INO80: variants seen among roughly 807,000 people sequenced by gnomAD.
The protein encoded by INO80 is chromatin-remodeling ATPase INO80.
A neutral mutation model predicts 203.4 loss-of-function variants in INO80; 20 were observed. The ratio of observed to expected loss-of-function variants is 0.10; its 90% CI spans 0.07 to 0.14. The LOEUF (loss-of-function observed/expected upper bound fraction) is 0.14. Ranked by LOEUF, INO80 falls within the 10% of genes least tolerant of loss-of-function variation. The pLI is 1.00. For synonymous variants in INO80, 726 were observed against 685.2 expected, an observed-to-expected ratio of 1.06 and a Z score of -0.93; for missense variants, 1,419 against 1,914.4, an observed-to-expected ratio of 0.74 and a Z score of 4.83.
chr15:41,000,257 T>C (rs1326826984), intron 28 of INO80, among the ~76,000 whole-genome samples: 2 of 152,164 alleles, frequency 1.3e-5, no homozygotes, highest in Non-Finnish European at 2.9e-5. Flanking sequence ...GCTAGGACTT[T>C]TTTTTGTTAA....
At chr15:40,990,229 C>CAGTAGTA (rs1356702135) in intron 29 of INO80, among the ~76,000 whole-genome samples, 5 of 152,156 alleles carry the variant, frequency 3.3e-5, no homozygotes, top group African/African-American at 1.2e-4. Context: ...CCACAACCTA[C>CAGTAGTA]AGTAGTAACA....
At chr15:41,075,476 G>T (rs1008467792) in intron 9 of INO80, among the ~76,000 whole-genome samples, 4 of 151,620 alleles carry the variant, frequency 2.6e-5, no homozygotes, top group African/African-American at 9.7e-5. Context: ...GAGGCGGGGG[G>T]CAGAGTCTCC....
At position 40,997,051 on chromosome 15, in the gene INO80, T is replaced by C. The variant is rs947743222; in HGVS notation, c.3570+478A>G. On this transcript the variant is annotated intron_variant, in intron 29 of 35. Coordinates refer to ENST00000648947, the MANE Select transcript of INO80 (RefSeq NM_017553.3). ...CAGTACTTTGGGAGGCTGAGGCAGG[T>C]GGATCACTTGGGCCTCAGAGTTCAA... Among the ~76,000 whole-genome samples, 26 of 152,230 alleles carry C rather than the reference T, an allele frequency of 1.7e-4. No individual in the cohort carries two copies. The East Asian group carries it at 2.1e-3, about 12-fold the overall frequency.
In INO80 at chr15:40,991,939, G is replaced by A. The variant is rs566861441; in HGVS notation, c.3571-3965C>T. On this transcript the variant is annotated intron_variant, in intron 29 of 35. Coordinates refer to ENST00000648947, the MANE Select transcript of INO80 (RefSeq NM_017553.3). ...ACTACAGGCGTCCGCCACCATGCCC[G>A]GCTCATTTTTTGCATTTTTAGAGAG... Among the ~76,000 whole-genome samples the A allele has an allele frequency of 1.6e-3, 249 of 152,132 alleles. 1 individual carries two copies. The highest frequency in any genetic ancestry group is 5.8e-3 in the African/African-American group (239 of 41,486).
chr15:40,981,143 G>GC (rs1427726817), intron 35 of INO80, among the ~76,000 whole-genome samples: 1 of 152,186 alleles, frequency 6.6e-6, no homozygotes, highest in African/African-American at 2.4e-5. Context: ...AGAATTCTAA[G>GC]TGCTTGATGG....
chr15:41,084,929 G>T (rs2045538025), intron 7 of INO80, among the ~76,000 whole-genome samples: 1 of 152,076 alleles, frequency 6.6e-6, no homozygotes, highest in Non-Finnish European at 1.5e-5. Context: ...GAGAGATGGG[G>T]TTTCACCATG....
chr15:41,010,315 CTTTTAA>C (rs2044115019), intron 27 of INO80, among the ~76,000 whole-genome samples: 1 of 152,046 alleles, frequency 6.6e-6, no homozygotes, highest in African/African-American at 2.4e-5. Context: ...TTTAATTTCT[CTTTTAA>C]TTTTTTTTCC....
At chr15:40,986,599 C>T (rs2043736680) in intron 31 of INO80, among the ~76,000 whole-genome samples, 2 of 151,776 alleles carry the variant, frequency 1.3e-5, no homozygotes, top group African/African-American at 2.4e-5. Context: ...GCTGGGATTA[C>T]AGGTGTGAGC....
Position 41,085,523 on chromosome 15 carries a change from G to C in INO80, c.719C>G (p.Ser240Cys). 6.2e-7 allele frequency: 1 copy of C among 1,614,152 alleles called. No homozygotes were observed. ...GGTCTGGTGGTGATGGCGACGAGGG[G>C]ATTCTTCAGAGGAAAGTTCTTCATC... ...RRDEELSSEESPRRHHHQTKV... is the reference protein window; with the variant it reads ...RRDEELSSEECPRRHHHQTKV... The change falls in exon 7 of 36, where the codon TCC becomes TGC. Residue 240 changes from serine (S) to cysteine (C), a missense_variant. Physicochemically the swap from Ser to Cys is moderately radical, Grantham distance 112 (BLOSUM62 -1). Transcript: ENST00000648947.
chr15:41,045,359 C>A (rs1284473093), intron 23 of INO80, among the ~76,000 whole-genome samples: 1 of 152,026 alleles, frequency 6.6e-6, no homozygotes, highest in African/African-American at 2.4e-5. Context: ...GAGGCCGAGG[C>A]AGGTGGAACA....
chr15:40,980,508 C>T lies in INO80; in HGVS notation c.4454-68G>A, dbSNP rs1893787195. The T allele has an allele frequency of 3.3e-6, 4 of 1,226,366 alleles. No individual in the cohort carries two copies. In the South Asian group the frequency reaches 3.8e-5, roughly 12 times the overall value. The allele number at this position is 1,226,366 out of a possible 1,614,324, so 76.0% of individuals were successfully genotyped here. On this transcript the variant is annotated intron_variant, in intron 35 of 35. Coordinates refer to ENST00000648947, the MANE Select transcript of INO80 (RefSeq NM_017553.3). ...CGTAAGCTTCCTTGGAGCCTGTGGC[C>T]TTGGTTACCAGAGTCTGAGCTGGAG...
chr15:41,028,140 A>T (rs2044404609), intron 24 of INO80, among the ~76,000 whole-genome samples: 1 of 146,866 alleles, frequency 6.8e-6, no homozygotes, highest in Non-Finnish European at 1.5e-5. Flanking sequence ...TTCCTTCTAA[A>T]TTTTTTTTTT....
rs139445167 is a variant in INO80 at position 40,981,660 on chromosome 15, G to T, written c.4453+1202C>A. Among the ~76,000 whole-genome samples, 14 of 152,336 alleles carry T rather than the reference G, an allele frequency of 9.2e-5. No individual in the cohort carries two copies. In the East Asian group the frequency reaches 2.7e-3, roughly 29 times the overall value. On this transcript the variant is annotated intron_variant, in intron 35 of 35. Coordinates refer to ENST00000648947, the MANE Select transcript of INO80 (RefSeq NM_017553.3). Reference sequence around the variant, plus strand: ...ACTAAGCCCACGTATTGAATGGGAAGAAAGGTCTGTAAGTGGCTCTCTCTT... The same window carrying T: ...ACTAAGCCCACGTATTGAATGGGAATAAAGGTCTGTAAGTGGCTCTCTCTT...
intron 28 of INO80, among the ~76,000 whole-genome samples, chr15:41,003,149 T>C (rs2043985925): frequency 6.6e-6 from 1 of 151,794 alleles, no homozygotes; most frequent in African/African-American, 2.4e-5. Context: ...ACAAAAGTTG[T>C]TGGCAAAGGC....
intron 27 of INO80, among the ~76,000 whole-genome samples, chr15:41,006,748 G>C (rs1044803942): frequency 8.5e-5 from 13 of 152,174 alleles, no homozygotes; most frequent in Non-Finnish European, 1.5e-4. Flanking sequence ...GGTCAACAAA[G>C]TAGACAAGCT....
At chr15:41,067,095 G>T (rs1322804504) in intron 14 of INO80, among the ~76,000 whole-genome samples, 2 of 151,724 alleles carry the variant, frequency 1.3e-5, no homozygotes, top group Non-Finnish European at 2.9e-5. Flanking sequence ...TTTTCTTTTT[G>T]AGACGGATTC....
chr15:41,077,339 C>A (rs1176303929), intron 9 of INO80, among the ~76,000 whole-genome samples: 11 of 97,086 alleles, frequency 1.1e-4, no homozygotes, highest in South Asian at 3.2e-4. Flanking sequence ...AAAAGAAAAA[C>A]AATACAATAG....
intron 14 of INO80, among the ~76,000 whole-genome samples, chr15:41,068,292 C>T (rs2045255256): frequency 6.6e-6 from 1 of 152,076 alleles, no homozygotes; most frequent in African/African-American, 2.4e-5. Flanking sequence ...GAGTGGCTCA[C>T]ACCTGTAATC....
chr15:41,038,300 G>A (rs1336913614), intron 24 of INO80, among the ~76,000 whole-genome samples: 1 of 151,846 alleles, frequency 6.6e-6, no homozygotes, highest in African/African-American at 2.4e-5. Flanking sequence ...ATGAGCTACT[G>A]CACCCGACAT....
Sources: allele counts gnomAD v4.1 joint callset (sites outside exome capture counted in the v4.1 genomes callset), GRCh38; gene constraint gnomAD v4.1.1; transcripts MANE v1.5; gene names NCBI Gene and HGNC (gene_info 2026-07-23, HGNC 2026-07-21).